NEDD4L: variants seen among roughly 807,000 people sequenced by gnomAD.
NEDD4L encodes the protein NEDD4 like E3 ubiquitin protein ligase.
A neutral mutation model predicts 148.9 loss-of-function variants in NEDD4L; 54 were observed. That is an observed-to-expected ratio of 0.36 (90% CI 0.29 to 0.45). The LOEUF is 0.45. Among genes scored for constraint, NEDD4L ranks in the 20% least tolerant of loss-of-function variants. The pLI is 1.00. For synonymous variants in NEDD4L, 433 were observed against 440.7 expected (o/e 0.98, Z 0.22); for missense variants, 856 against 1,233.8 (o/e 0.69, Z 4.59).
rs540495424 is a variant in NEDD4L, at chr18:58,107,671, A to T, written c.49-58117A>T. ...GAAGTCAAGTCTGCAGTGAGCAAAG[A>T]TCTGTGCCTCTGCACCCCAAGCTGG... On this transcript the variant is annotated intron_variant, in intron 1 of 30. Transcript: ENST00000400345. Among the ~76,000 whole-genome samples the T allele has an allele frequency of 2.0e-5, 3 of 151,950 alleles. No individual in the cohort carries two copies. The South Asian group carries it at 6.3e-4, about 32-fold the overall frequency.
chr18:58,233,927 T>C (rs1230704427), intron 2 of NEDD4L, among the ~76,000 whole-genome samples: 1 of 140,402 alleles, frequency 7.1e-6, no homozygotes, highest in Non-Finnish European at 1.5e-5. Flanking sequence ...TCGTTGTATC[T>C]TCACATCGTC....
chr18:58,119,226 T>C (rs2086065451), intron 1 of NEDD4L, among the ~76,000 whole-genome samples: 1 of 152,148 alleles, frequency 6.6e-6, no homozygotes, highest in Non-Finnish European at 1.5e-5. Flanking sequence ...GTCATTCTCA[T>C]GGGCCATGGA....
At chr18:58,355,931 GAAAAT>G (rs2044564876) in intron 18 of NEDD4L, among the ~76,000 whole-genome samples, 1 of 151,644 alleles carries the variant, frequency 6.6e-6, no homozygotes, top group African/African-American at 2.4e-5. Flanking sequence ...AGTGTATACA[GAAAAT>G]AAACAGAATC....
At chr18:58,275,218 TAA>T (rs2051709496) in intron 5 of NEDD4L, among the ~76,000 whole-genome samples, 1 of 152,160 alleles carries the variant, frequency 6.6e-6, no homozygotes, top group Non-Finnish European at 1.5e-5. Context: ...TTAAAAATCA[TAA>T]GAGAAAATAT....
chr18:58,239,595 T>C (rs1417286372), intron 2 of NEDD4L, among the ~76,000 whole-genome samples: 4 of 152,202 alleles, frequency 2.6e-5, no homozygotes, highest in African/African-American at 9.7e-5. Context: ...TGAAAGAACA[T>C]GGAACACTTC....
chr18:58,382,114 C>T (rs985791454), intron 24 of NEDD4L, among the ~76,000 whole-genome samples: 3 of 152,118 alleles, frequency 2.0e-5, no homozygotes, highest in African/African-American at 7.2e-5. Context: ...GTCGAGGGAC[C>T]GGATGGATGA....
intron 5 of NEDD4L, among the ~76,000 whole-genome samples, chr18:58,276,024 C>G (rs1013089584): frequency 5.9e-5 from 9 of 152,124 alleles, no homozygotes; most frequent in African/African-American, 2.2e-4. Flanking sequence ...AGTCTTTGGC[C>G]TCTTCTGACA....
intron 1 of NEDD4L, among the ~76,000 whole-genome samples, chr18:58,067,677 A>T (rs1412244673): frequency 1.3e-5 from 2 of 152,196 alleles, no homozygotes; most frequent in African/African-American, 4.8e-5. Flanking sequence ...AGCTGCACAC[A>T]TGTTGTTCTT....
chr18:58,066,056 C>T (rs2082573715), intron 1 of NEDD4L, among the ~76,000 whole-genome samples: 1 of 152,188 alleles, frequency 6.6e-6, no homozygotes, highest in African/African-American at 2.4e-5. Flanking sequence ...GAGTTAGCAT[C>T]AGGAAGGAAA....
intron 2 of NEDD4L, among the ~76,000 whole-genome samples, chr18:58,173,318 A>G (rs555182392): frequency 1.3e-5 from 2 of 152,340 alleles, no homozygotes; most frequent in South Asian, 2.1e-4. Flanking sequence ...GGCTGAGACA[A>G]ACCAACTGTA....
chr18:58,125,040 C>T (rs982435753), intron 1 of NEDD4L, among the ~76,000 whole-genome samples: 1 of 152,176 alleles, frequency 6.6e-6, no homozygotes, highest in Non-Finnish European at 1.5e-5. Flanking sequence ...GTAGCTGGGA[C>T]TACAGGTGCT....
intron 24 of NEDD4L, among the ~76,000 whole-genome samples, chr18:58,376,775 A>G (rs1450364158): frequency 6.6e-6 from 1 of 152,090 alleles, no homozygotes; most frequent in African/African-American, 2.4e-5. Flanking sequence ...AAAGACCCCA[A>G]CCTTACTTTG....
At position 58,273,075 on chromosome 18, in the gene NEDD4L, C is replaced by T. The variant is rs112316643; in HGVS notation, c.297+21021C>T. ...CCAGTGGAACTGCAGCGGAAGCAGC[C>T]GTTCGCCCAAAGGTCCTGCGCTGGG... On this transcript the variant is annotated intron_variant, in intron 5 of 30. Transcript: ENST00000400345. 3.6e-3 allele frequency among the ~76,000 whole-genome samples: 555 copies of T among 152,302 alleles called. 5 individuals carry two copies. Among genetic ancestry groups the T allele is most frequent in the African/African-American group, 0.013 (535 of 41,562 alleles).
intron 1 of NEDD4L, among the ~76,000 whole-genome samples, chr18:58,081,246 C>T (rs375007753): frequency 5.4e-5 from 7 of 128,994 alleles, no homozygotes; most frequent in East Asian, 2.3e-4. Context: ...GATGGAGTCA[C>T]GCTCTGTCGT....
chr18:58,174,697 T>G (rs189216735), intron 2 of NEDD4L, among the ~76,000 whole-genome samples: 4 of 152,278 alleles, frequency 2.6e-5, no homozygotes, highest in African/African-American at 9.6e-5. Flanking sequence ...AGGGACACAA[T>G]GACTGGTTCT....
At chr18:58,349,655 T>G (rs1476619193) in intron 17 of NEDD4L, 41 bp downstream of exon 17, 8 of 1,481,856 alleles carry the variant, frequency 5.4e-6, no homozygotes, top group Non-Finnish European at 7.5e-6. Context: ...TGAATATGTG[T>G]GTTCCTTTAT....
chr18:58,249,955 T>C (rs920722802), intron 4 of NEDD4L, among the ~76,000 whole-genome samples: 1 of 152,248 alleles, frequency 6.6e-6, no homozygotes, highest in Non-Finnish European at 1.5e-5. Flanking sequence ...ATAGATGCTG[T>C]TGGCCTTTAG....
intron 5 of NEDD4L, among the ~76,000 whole-genome samples, chr18:58,294,451 G>A (rs187705212): frequency 2.6e-4 from 39 of 152,252 alleles, no homozygotes; most frequent in Non-Finnish European, 5.0e-4. Flanking sequence ...ACATTTCTTA[G>A]GAAGTGGCTA....
At chr18:58,195,744 C>T in intron 2 of NEDD4L, 2 of 1,341,912 alleles carry the variant, frequency 1.5e-6, no homozygotes, top group African/African-American at 1.5e-5. Flanking sequence ...GTAAGTGCCA[C>T]CGAAGGTTCC....
Sources: gnomAD v4.1 joint callset for allele counts (sites outside exome capture counted in the v4.1 genomes callset) on GRCh38, gnomAD v4.1.1 for gene constraint, MANE v1.5 for transcripts, NCBI Gene and HGNC (gene_info 2026-07-23, HGNC 2026-07-21) for gene names.